CCDC146: variants seen among roughly 807,000 people sequenced by gnomAD.
CCDC146 encodes the protein coiled-coil domain-containing protein 146.
CCDC146 carries 92 observed loss-of-function variants against 119.3 expected under a neutral mutation model. The ratio of observed to expected loss-of-function variants is 0.77; its 90% CI spans 0.65 to 0.92. The LOEUF is 0.92. Among genes scored for constraint, CCDC146 ranks in the 40% least tolerant of loss-of-function variants. CCDC146 has a pLI of 0.00. For synonymous variants in CCDC146, 372 were observed against 371.8 expected (o/e 1.00, Z -0.01); for missense variants, 1,000 against 1,103.0 (o/e 0.91, Z 1.32).
At chr7:77,199,353 G>A (rs1358205741) in intron 2 of CCDC146, 21 of 1,613,790 alleles carry the variant, frequency 1.3e-5, no homozygotes, top group Non-Finnish European at 1.7e-5. Context: ...TCTCCTCTTT[G>A]GCATTCTTTA....
chr7:77,242,479 C>A, intron 4 of CCDC146: 1 of 691,916 alleles, frequency 1.4e-6, no homozygotes, highest in Non-Finnish European at 1.8e-6. Context: ...TAGAGGACGT[C>A]ATTTAGTGAA....
Position 77,278,851 on chromosome 7 carries a change from T to G in CCDC146, c.1529+11T>G. ...TGAAATTTATCGGAGGTAAAGTAATTATGTGGTGTTTTATCTACGTAGGTG... is the reference window on the plus strand; with the variant it reads ...TGAAATTTATCGGAGGTAAAGTAATGATGTGGTGTTTTATCTACGTAGGTG... On this transcript the variant is annotated intron_variant, in intron 12 of 18. Transcript: ENST00000285871. The G allele has an allele frequency of 6.2e-7, 1 of 1,605,074 alleles. No individual in the cohort carries two copies.
intron 4 of CCDC146, among the ~76,000 whole-genome samples, chr7:77,245,856 AT>A (rs1411580882): frequency 8.2e-6 from 1 of 121,428 alleles, no homozygotes; most frequent in African/African-American, 2.6e-5. Context: ...GCTAGAACAG[AT>A]TTTACCTTAA....
At chr7:77,207,828 AAT>A (rs1490259783) in intron 2 of CCDC146, among the ~76,000 whole-genome samples, 2 of 152,242 alleles carry the variant, frequency 1.3e-5, no homozygotes, top group Non-Finnish European at 2.9e-5. Flanking sequence ...AATTAGAAGC[AAT>A]ATAATAGCAA....
At chr7:77,235,551 G>A (rs1471389334) in intron 2 of CCDC146, among the ~76,000 whole-genome samples, 1 of 152,146 alleles carries the variant, frequency 6.6e-6, no homozygotes, top group East Asian at 1.9e-4. Flanking sequence ...AGGCTGTGGG[G>A]GTGTTGGGGT....
At position 77,196,876 on chromosome 7, in the gene CCDC146, G is replaced by C. The variant is rs1791882637; in HGVS notation, c.156+29052G>C. 6.2e-7 allele frequency: 1 copy of C among 1,613,784 alleles called. No individual in the cohort carries two copies. The highest frequency in any genetic ancestry group is 1.3e-5 in the African/African-American group (1 of 74,858). ...CTCCCCCCATGGTCTCCATGTCACAGTAAACTTCAAAGCTACTATTTTTGG... is the reference window on the plus strand; with the variant it reads ...CTCCCCCCATGGTCTCCATGTCACACTAAACTTCAAAGCTACTATTTTTGG... On this transcript the variant is annotated intron_variant, in intron 2 of 18. Transcript: ENST00000285871. This position sits in a 1 kb window ranked among gnomAD's most constrained non-coding sequence, Gnocchi z 4.2.
intron 2 of CCDC146, among the ~76,000 whole-genome samples, chr7:77,187,987 A>G (rs1331516280): frequency 1.3e-5 from 2 of 152,212 alleles, no homozygotes; most frequent in Non-Finnish European, 2.9e-5. Context: ...ACAGATGCTG[A>G]GTGTTCAAAC....
At chr7:77,238,696 C>T (rs377227656) in intron 3 of CCDC146, among the ~76,000 whole-genome samples, 81 of 152,256 alleles carry the variant, frequency 5.3e-4, no homozygotes, top group African/African-American at 1.7e-3. Context: ...GGATTACAGG[C>T]GTGAGCCACC....
chr7:77,242,885 G>A (rs117092060), intron 4 of CCDC146, among the ~76,000 whole-genome samples: 2,841 of 151,506 alleles, frequency 0.019, 89 homozygotes, highest in East Asian at 0.14. Context: ...TTTCACTGGC[G>A]GTGGGTGGGG....
At chr7:77,160,245 G>A (rs868222776) in intron 1 of CCDC146, among the ~76,000 whole-genome samples, 1,962 of 152,178 alleles carry the variant, frequency 0.013, 33 homozygotes, top group African/African-American at 0.043. Context: ...TTGACTTGGC[G>A]ATGTGGGCTC....
At chr7:77,274,425 T>G (rs1284262163) in intron 10 of CCDC146, 57 bp from the exon 11 acceptor site, 3 of 1,161,092 alleles carry the variant, frequency 2.6e-6, no homozygotes, top group Non-Finnish European at 3.6e-6. Context: ...GATACTAGCT[T>G]TACTGTATTA....
rs760548609 is a variant in CCDC146 at position 77,278,748 on chromosome 7, T to C, written c.1441-4T>C. 7 of 1,601,918 alleles carry C rather than the reference T, an allele frequency of 4.4e-6. No individual in the cohort carries two copies. The highest frequency in any genetic ancestry group is 6.0e-6 in the Non-Finnish European group (7 of 1,171,106). On this transcript the variant is annotated splice_polypyrimidine_tract_variant and splice_region_variant and intron_variant, in intron 11 of 18. Coordinates refer to ENST00000285871, the MANE Select transcript of CCDC146 (RefSeq NM_020879.3). ...TTTATTTCACATTTTTTTGTACATTTCAGCAAAAATACACCAACATTGTTA... is the reference window on the plus strand; with the variant it reads ...TTTATTTCACATTTTTTTGTACATTCCAGCAAAAATACACCAACATTGTTA...
intron 1 of CCDC146, among the ~76,000 whole-genome samples, chr7:77,158,516 GTT>G (rs112606851): frequency 2.0e-5 from 3 of 150,572 alleles, no homozygotes; most frequent in Non-Finnish European, 1.5e-5. Flanking sequence ...GATATTTATT[GTT>G]TTTTTTTGTT....
chr7:77,293,758 T>C (rs1269427429), intron 18 of CCDC146, among the ~76,000 whole-genome samples: 4 of 152,250 alleles, frequency 2.6e-5, no homozygotes, highest in African/African-American at 9.6e-5. Flanking sequence ...AGATCTTCTG[T>C]CTACCCCCAT....
chr7:77,259,939 AGT>A lies in CCDC146; in HGVS notation c.759-13_759-12del, dbSNP rs58669153. 5,576 of 756,316 alleles carry A rather than the reference AGT, an allele frequency of 7.4e-3. 31 individuals are homozygous for A. Among genetic ancestry groups the A allele is most frequent in the African/African-American group, 0.02 (1,014 of 50,862 alleles). 46.9% of individuals were successfully genotyped at this position (756,316 alleles called of 1,614,324 possible). On this transcript the variant is annotated intron_variant, in intron 7 of 18. Coordinates refer to ENST00000285871, the MANE Select transcript of CCDC146 (RefSeq NM_020879.3). ...GCCAGCATGGCCTCAAAATAAGGCA[AGT>A]GTGTGTGTGTGTGTGTGTGTGTGTG...
intron 1 of CCDC146, among the ~76,000 whole-genome samples, chr7:77,159,554 T>G (rs1332563781): frequency 6.6e-6 from 1 of 152,202 alleles, no homozygotes; most frequent in African/African-American, 2.4e-5. Flanking sequence ...TTTATGTTGT[T>G]TCCATATCTT....
chr7:77,233,215 A>G (rs1347169324), intron 2 of CCDC146, among the ~76,000 whole-genome samples: 4 of 151,610 alleles, frequency 2.6e-5, no homozygotes, highest in Admixed American at 6.6e-5. Flanking sequence ...CAGCCTCCCA[A>G]GTAGCTGGGA....
At chr7:77,206,515 C>T (rs918637613) in intron 2 of CCDC146, among the ~76,000 whole-genome samples, 1 of 151,880 alleles carries the variant, frequency 6.6e-6, no homozygotes, top group Non-Finnish European at 1.5e-5. Flanking sequence ...TGGTGTGTGC[C>T]TCAGCTACAT....
At chr7:77,212,161 A>T (rs989368347) in intron 2 of CCDC146, among the ~76,000 whole-genome samples, 1 of 152,264 alleles carries the variant, frequency 6.6e-6, no homozygotes, top group African/African-American at 2.4e-5. Flanking sequence ...TACATAAAAA[A>T]TACAAAATAA....
Sources: gnomAD v4.1 joint callset for allele counts (sites outside exome capture counted in the v4.1 genomes callset) on GRCh38, gnomAD v4.1.1 for gene constraint, Gnocchi (gnomAD v3.1) non-coding constraint, MANE v1.5 for transcripts, NCBI Gene and HGNC (gene_info 2026-07-23, HGNC 2026-07-21) for gene names.